Variants in NFAT5 observed in about 807,000 individuals in gnomAD.
NFAT5 encodes nuclear factor of activated T cells 5, also known as nuclear factor of activated T-cells 5.
A neutral mutation model predicts 166.5 loss-of-function variants in NFAT5; 31 were observed. The observed-to-expected ratio is 0.19, with a 90% CI of 0.14 to 0.25. NFAT5 has a LOEUF of 0.25. Among genes scored for constraint, NFAT5 ranks in the 10% least tolerant of loss-of-function variants. The pLI, the probability that NFAT5 is intolerant of heterozygous loss-of-function variation, is 1.00. For missense variants in NFAT5, 1,449 were observed against 1,821.8 expected (o/e 0.80, Z 3.72); for synonymous variants, 612 against 639.7 (o/e 0.96, Z 0.65).
At chr16:69,670,146 T>C in intron 8 of NFAT5, 35 bp downstream of exon 8, 1 of 1,600,600 alleles carries the variant, frequency 6.2e-7, no homozygotes, top group Non-Finnish European at 8.5e-7. Context: ...GATATTTGTA[T>C]GTTTTCACTT....
intron 4 of NFAT5, chr16:69,649,647 G>A (rs1208475038): frequency 2.4e-5 from 17 of 697,362 alleles, no homozygotes; most frequent in Non-Finnish European, 3.0e-5. Context: ...ACTATATTGA[G>A]GAAAGGATGA....
intron 3 of NFAT5, among the ~76,000 whole-genome samples, chr16:69,638,521 G>A (rs2035065793): frequency 6.6e-6 from 1 of 152,008 alleles, no homozygotes; most frequent in South Asian, 2.1e-4. Flanking sequence ...ATCACCTGAG[G>A]TCAGGAGTTC....
At position 69,702,557 on chromosome 16, in the gene NFAT5, A is replaced by G. The variant is rs1338612917; in HGVS notation, c.*6206A>G. On this transcript the variant is annotated 3_prime_UTR_variant, in exon 15 of 15. Coordinates refer to ENST00000349945, the MANE Select transcript of NFAT5 (RefSeq NM_138713.4). ...CTCAGAGTATGGTTCTCAGCCCACC[A>G]GCTAGTATCAGTATCACCTGGGAAC... 6.6e-6 allele frequency: 1 copy of G among 152,238 alleles called. No individual in the cohort carries two copies. The highest frequency in any genetic ancestry group is 2.4e-5 in the African/African-American group (1 of 41,462). The allele number at this position is 152,238 out of a possible 1,614,324, so 9.4% of individuals were successfully genotyped here. A position where few individuals can be genotyped will look rare whatever the true frequency, so the allele number is the denominator to read the frequency against.
In NFAT5 at chr16:69,593,651, G is replaced by A. The variant is rs142926762; in HGVS notation, c.127+25103G>A. On this transcript the variant is annotated intron_variant, in intron 2 of 14. Coordinates refer to ENST00000349945, the MANE Select transcript of NFAT5 (RefSeq NM_138713.4). ...CTAACAAAGTAATTTTGAGAACACA[G>A]GTAAAAGGGATGTGATCTGAAAACT... Among the ~76,000 whole-genome samples the A allele has an allele frequency of 6.2e-4, 94 of 152,212 alleles. No homozygotes were observed. In the East Asian group the frequency reaches 0.013, roughly 21 times the overall value.
At chr16:69,608,483 G>A (rs927305562) in intron 2 of NFAT5, among the ~76,000 whole-genome samples, 6 of 148,830 alleles carry the variant, frequency 4.0e-5, no homozygotes, top group African/African-American at 1.2e-4. Context: ...GTGGCCAGGC[G>A]CGGTGGCTCA....
At chr16:69,653,112 G>A in intron 4 of NFAT5, 124 bp from the exon 5 acceptor site, 2 of 576,774 alleles carry the variant, frequency 3.5e-6, no homozygotes, top group Non-Finnish European at 5.7e-6. Context: ...TATTTTGCCA[G>A]CAAGCTGAAT....
chr16:69,581,991 G>A (rs1316869526), intron 2 of NFAT5, among the ~76,000 whole-genome samples: 8 of 152,230 alleles, frequency 5.3e-5, no homozygotes, highest in East Asian at 3.9e-4. Context: ...CCGGGTGGGC[G>A]CAGTGGCTCA....
At chr16:69,568,417 A>G (rs997109040) in intron 1 of NFAT5, 78 bp from the exon 2 acceptor site, 6 of 850,660 alleles carry the variant, frequency 7.1e-6, no homozygotes, top group African/African-American at 5.5e-5. Flanking sequence ...TTGCAGTTAT[A>G]TAAGAGATGT....
At chr16:69,635,564 A>G (rs954616740) in intron 3 of NFAT5, among the ~76,000 whole-genome samples, 39 of 152,146 alleles carry the variant, frequency 2.6e-4, no homozygotes, top group Non-Finnish European at 2.9e-5. Flanking sequence ...ACCCGAGACT[A>G]GAAAGAAAAA....
At chr16:69,691,674 A>C (rs2037550060) in intron 12 of NFAT5, 75 bp from the exon 13 acceptor site, 2 of 1,152,116 alleles carry the variant, frequency 1.7e-6, no homozygotes, top group Non-Finnish European at 1.2e-6. Flanking sequence ...TTAGAGCAAT[A>C]GTGATTTTTG....
At chr16:69,587,083 T>A (rs2032115902) in intron 2 of NFAT5, among the ~76,000 whole-genome samples, 1 of 151,952 alleles carries the variant, frequency 6.6e-6, no homozygotes, top group African/African-American at 2.4e-5. Context: ...ATTAAAGTGC[T>A]TTTTTTTCTT....
chr16:69,622,781 C>T (rs1197858252), intron 2 of NFAT5, among the ~76,000 whole-genome samples: 1 of 149,672 alleles, frequency 6.7e-6, no homozygotes, highest in Non-Finnish European at 1.5e-5. Flanking sequence ...TTGGGTAGAT[C>T]TTTTTCTCTT....
chr16:69,580,754 C>A (rs1202221862), intron 2 of NFAT5, among the ~76,000 whole-genome samples: 1 of 152,114 alleles, frequency 6.6e-6, no homozygotes, highest in African/African-American at 2.4e-5. Context: ...CTCCCAGGTT[C>A]ACGCCATTCT....
At chr16:69,668,504 G>A (rs1264406475) in intron 7 of NFAT5, among the ~76,000 whole-genome samples, 2 of 152,070 alleles carry the variant, frequency 1.3e-5, no homozygotes, top group Admixed American at 6.6e-5. Context: ...GAATTCATTT[G>A]TGTTTCATGT....
At chr16:69,574,428 A>C (rs963565700) in intron 2 of NFAT5, among the ~76,000 whole-genome samples, 1 of 152,200 alleles carries the variant, frequency 6.6e-6, no homozygotes, top group Admixed American at 6.6e-5. Flanking sequence ...TTGTGTTAAT[A>C]AAAGTCAAGT....
intron 10 of NFAT5, among the ~76,000 whole-genome samples, chr16:69,683,359 C>T (rs1567604736): frequency 1.3e-5 from 2 of 151,956 alleles, no homozygotes; most frequent in Admixed American, 6.6e-5. Context: ...TGGCGAAACA[C>T]CATTTCTACC....
chr16:69,587,641 C>T (rs890428687), intron 2 of NFAT5, among the ~76,000 whole-genome samples: 2 of 152,024 alleles, frequency 1.3e-5, no homozygotes, highest in South Asian at 2.1e-4. Flanking sequence ...TGCCCACCTC[C>T]GGCTCCTAAA....
At chr16:69,606,601 T>C (rs1337744706) in intron 2 of NFAT5, among the ~76,000 whole-genome samples, 1 of 152,110 alleles carries the variant, frequency 6.6e-6, no homozygotes, top group Non-Finnish European at 1.5e-5. Context: ...ACGGGTGTAA[T>C]CCCAGCACTT....
chr16:69,653,630 C>T (rs2035765090), intron 5 of NFAT5, among the ~76,000 whole-genome samples: 2 of 146,652 alleles, frequency 1.4e-5, no homozygotes, highest in African/African-American at 5.1e-5. Flanking sequence ...GGCTGGAGTG[C>T]AGTGGTGTGA....
Sources: gnomAD v4.1 joint callset for allele counts (sites outside exome capture counted in the v4.1 genomes callset) on GRCh38, gnomAD v4.1.1 for gene constraint, MANE v1.5 for transcripts, NCBI Gene and HGNC (gene_info 2026-07-23, HGNC 2026-07-21) for gene names.